Variants in TP53I13 observed in about 807,000 individuals in gnomAD.
TP53I13 encodes the protein tumor protein p53-inducible protein 13.
Under a neutral mutation model 39.1 loss-of-function variants are expected in TP53I13, and 27 were observed. The observed-to-expected ratio is 0.69, with a 90% CI of 0.51 to 0.95. TP53I13 has a LOEUF of 0.95. Ranked by LOEUF, TP53I13 falls within the 40% of genes least tolerant of loss-of-function variation. TP53I13 has a pLI of 0.00. For synonymous variants in TP53I13, 230 were observed against 224.6 expected (o/e 1.02, Z -0.22); for missense variants, 544 against 520.4 (o/e 1.05, Z -0.44).
chr17:29,571,407 A>T, intron 3 of TP53I13, 184 bp from the exon 4 acceptor site: 1 of 698,234 alleles, frequency 1.4e-6, no homozygotes, highest in Non-Finnish European at 2.3e-6. Flanking sequence ...TGAAAGGAAC[A>T]CTCAGAGGCA....
the TP53I13 span, chr17:29,581,483 C>T: frequency 3.1e-6 from 3 of 980,318 alleles, no homozygotes; most frequent in Non-Finnish European, 4.9e-6. The surrounding 1 kb of genome is among the most constrained non-coding windows in gnomAD (Gnocchi z 4.8). Flanking sequence ...CCAGAAGTGT[C>T]AGGGGAAAGT....
At chr17:29,574,512 GCCC>G (rs772363287), downstream of TP53I13, 7 of 644,870 alleles carry the variant, frequency 1.1e-5, no homozygotes, top group East Asian at 2.5e-5. Flanking sequence ...AGAAGCTCCT[GCCC>G]CCCCACCTCC....
upstream of TP53I13, chr17:29,566,557 A>G: frequency 6.2e-7 from 1 of 1,609,510 alleles, no homozygotes; most frequent in Non-Finnish European, 8.5e-7. Flanking sequence ...CACCCAGTCC[A>G]GGGCCACTAG....
intron 2 of TP53I13, 87 bp from the exon 3 acceptor site, chr17:29,569,231 T>C: frequency 6.6e-7 from 1 of 1,525,210 alleles, no homozygotes; most frequent in Non-Finnish European, 9.0e-7. Flanking sequence ...CATCCCAGCC[T>C]GGCGCTTGGG....
At chr17:29,576,644 C>G, downstream of TP53I13, 2 of 1,614,012 alleles carry the variant, frequency 1.2e-6, no homozygotes, top group Non-Finnish European at 1.7e-6. Context: ...AGCGTCACAG[C>G]CCCGTCAGAC....
At position 29,568,850 on chromosome 17, in the gene TP53I13, G is replaced by T. The variant is rs1210558079; in HGVS notation, c.72+20G>T. The T allele has an allele frequency of 6.3e-7, 1 of 1,599,968 alleles. No homozygotes were observed. The highest frequency in any genetic ancestry group is 1.1e-5 in the South Asian group (1 of 91,058). On this transcript the variant is annotated intron_variant, in intron 1 of 6. Coordinates refer to ENST00000301057, the MANE Select transcript of TP53I13 (RefSeq NM_138349.4). This position sits in a 1 kb window ranked among gnomAD's most constrained non-coding sequence, Gnocchi z 4.5. ...AGCGAGGTAAGGTGACCCGCTCCTG[G>T]GAAGGCCTCGGCCCGCGAGCTCAAA...
At chr17:29,576,612 C>T (rs777960594), downstream of TP53I13, 21 of 1,613,930 alleles carry the variant, frequency 1.3e-5, no homozygotes, top group Non-Finnish European at 1.7e-5. Flanking sequence ...CCAGGGCCTT[C>T]TTCAGCTCCA....
chr17:29,576,611 T>C (rs758663323), downstream of TP53I13: 7 of 1,613,904 alleles, frequency 4.3e-6, no homozygotes, highest in African/African-American at 2.7e-5. Context: ...GCCAGGGCCT[T>C]CTTCAGCTCC....
chr17:29,577,173 C>G (rs760872380), downstream of TP53I13: 1 of 1,613,888 alleles, frequency 6.2e-7, no homozygotes, highest in African/African-American at 1.3e-5. Flanking sequence ...GCTGTCTCCG[C>G]TTGGCCTCAC....
chr17:29,578,433 TC>T, the TP53I13 span: 1 of 1,465,896 alleles, frequency 6.8e-7, no homozygotes, highest in Non-Finnish European at 9.6e-7. Context: ...CAAGGCCAGC[TC>T]CCCAGCATGT....
At position 29,572,935 on chromosome 17, in the gene TP53I13, C is replaced by T. The variant is rs1358534285; in HGVS notation, c.*11C>T. On this transcript the variant is annotated 3_prime_UTR_variant, in exon 7 of 7. Coordinates refer to ENST00000301057, the MANE Select transcript of TP53I13 (RefSeq NM_138349.4). ...GAGAGCTCGGAGTGACGGCCTGGGACCTGCCACTGTGGCGTGCGGCTCCTC... is the reference window on the plus strand; with the variant it reads ...GAGAGCTCGGAGTGACGGCCTGGGATCTGCCACTGTGGCGTGCGGCTCCTC... 4.8e-6 allele frequency: 7 copies of T among 1,458,074 alleles called. No homozygotes were observed. The African/African-American group carries it at 5.9e-5, about 12-fold the overall frequency. The allele number at this position is 1,458,074 out of a possible 1,614,324, so 90.3% of individuals were successfully genotyped here.
At position 29,572,548 on chromosome 17, in the gene TP53I13, C is replaced by G. The variant is rs774394133; in HGVS notation, c.920C>G (p.Thr307Ser). The G allele has an allele frequency of 1.2e-6, 2 of 1,602,280 alleles. No homozygotes were observed. Among genetic ancestry groups the G allele is most frequent in the East Asian group, 2.3e-5 (1 of 44,140 alleles). Residue 307 changes from threonine (T) to serine (S), a missense_variant, in exon 6 of 7, where the codon ACT (threonine) becomes AGT (serine). Physicochemically the swap from Thr to Ser is moderately conservative, Grantham distance 58. Transcript: ENST00000301057. ...GCAGCCCGGGGCCCCACCCCACGCA[C>G]TGAAGAGGCCGCCTGGGCTGCCATG... is the stretch of plus-strand genomic sequence containing the variant. Reference protein sequence around the residue: ...PRAARGPTPRTEEAAWAAMAL... With the variant: ...PRAARGPTPRSEEAAWAAMAL...
At position 29,572,143 on chromosome 17, in the gene TP53I13, C is replaced by T. The variant is rs928832569; in HGVS notation, c.515C>T (p.Ala172Val). The T allele has an allele frequency of 6.2e-7, 1 of 1,608,646 alleles. No homozygotes were observed. The highest frequency in any genetic ancestry group is 8.5e-7 in the Non-Finnish European group (1 of 1,177,022). The change falls in exon 6 of 7, where the codon GCC (alanine) becomes GTC (valine). Residue 172 changes from alanine (A) to valine (V), a missense_variant and splice_region_variant. Coordinates refer to ENST00000301057, the MANE Select transcript of TP53I13 (RefSeq NM_138349.4). ...GATTGCTCTCTCTCCTCTCCTTAGG[C>T]CCTGGCTCTGGCCTTTGCTCTGCGG... ...GRLCRRGCVQ[A>V]LALAFALRSW...
At position 29,572,305 on chromosome 17, in the gene TP53I13, C is replaced by T. The variant is rs1011264629; in HGVS notation, c.677C>T (p.Ser226Phe). 1 of 1,612,824 alleles carries T rather than the reference C, an allele frequency of 6.2e-7. No homozygotes were observed. The highest frequency in any genetic ancestry group is 8.5e-7 in the Non-Finnish European group (1 of 1,179,900). ...TRSALRFPSA[S>F]PGSLKAKQSM... The stretch of plus-strand genomic sequence containing the variant: ...TCAGCCCTGAGGTTTCCCTCTGCTT[C>T]CCCAGGGAGCTTGAAGGCCAAGCAG... The change falls in exon 6 of 7, where the codon TCC becomes TTC. Residue 226 changes from serine (S) to phenylalanine (F), a missense_variant. Physicochemically the swap from Ser to Phe is radical, Grantham distance 155 (BLOSUM62 -2). Coordinates refer to ENST00000301057, the MANE Select transcript of TP53I13 (RefSeq NM_138349.4).
chr17:29,581,480 T>C, the TP53I13 span: 2 of 995,042 alleles, frequency 2.0e-6, no homozygotes, highest in Non-Finnish European at 3.2e-6. The surrounding 1 kb of genome is among the most constrained non-coding windows in gnomAD (Gnocchi z 4.8). Context: ...CACCCAGAAG[T>C]GTCAGGGGAA....
chr17:29,580,858 G>A, the TP53I13 span, among the ~76,000 whole-genome samples: 4 of 151,082 alleles, frequency 2.6e-5, no homozygotes, highest in Non-Finnish European at 1.5e-5. Context: ...TCGGCTCACC[G>A]CAACCTCTAC....
At chr17:29,577,300 C>G, downstream of TP53I13, 2 of 1,391,736 alleles carry the variant, frequency 1.4e-6, no homozygotes, top group Non-Finnish European at 2.0e-6. Flanking sequence ...ATGACTGACG[C>G]AGGACGGCAG....
At chr17:29,567,016 C>T, upstream of TP53I13, 7 of 1,247,064 alleles carry the variant, frequency 5.6e-6, no homozygotes, top group Non-Finnish European at 7.0e-6. The surrounding 1 kb of genome is among the most constrained non-coding windows in gnomAD (Gnocchi z 6.6). Context: ...GCCGTCTACT[C>T]GGCGAGCTCC....
chr17:29,576,149 G>A (rs764410366), downstream of TP53I13: 26 of 1,613,404 alleles, frequency 1.6e-5, no homozygotes, highest in Admixed American at 4.3e-4. Flanking sequence ...TGTTAGCACA[G>A]CGAGCGTCAT....
Sources: allele counts gnomAD v4.1 joint callset (sites outside exome capture counted in the v4.1 genomes callset), GRCh38; gene constraint gnomAD v4.1.1; non-coding constraint Gnocchi (gnomAD v3.1); transcripts MANE v1.5; gene names NCBI Gene and HGNC (gene_info 2026-07-23, HGNC 2026-07-21).